BAZ2B: variants seen among roughly 807,000 people sequenced by gnomAD.
BAZ2B encodes bromodomain adjacent to zinc finger domain 2B, also known as bromodomain adjacent to zinc finger domain protein 2B.
In BAZ2B, 91 loss-of-function variants were observed where a neutral mutation model predicts 246.0. The observed-to-expected ratio is 0.37, with a 90% CI of 0.31 to 0.44. The LOEUF (loss-of-function observed/expected upper bound fraction) is 0.44, where lower values mean the gene tolerates loss of function less well. Among genes scored for constraint, BAZ2B ranks in the 20% least tolerant of loss-of-function variants. The pLI is 1.00. For missense variants in BAZ2B, 2,332 were observed against 2,533.7 expected, an observed-to-expected ratio of 0.92 and a Z score of 1.71; for synonymous variants, 855 against 860.0, an observed-to-expected ratio of 0.99 and a Z score of 0.10.
chr2:159,481,534 A>C (rs940699243), intron 2 of BAZ2B, among the ~76,000 whole-genome samples: 1 of 151,918 alleles, frequency 6.6e-6, no homozygotes, highest in African/African-American at 2.4e-5. Flanking sequence ...GTCTCAAAGT[A>C]TCTCCTCCAA....
chr2:159,519,846 T>C (rs72950412), intron 2 of BAZ2B, among the ~76,000 whole-genome samples: 1 of 142,702 alleles, frequency 7.0e-6, no homozygotes, highest in Non-Finnish European at 1.6e-5. Context: ...TGAAATGAGT[T>C]CCTCTTTTCG....
At chr2:159,644,470 A>G in the BAZ2B span, among the ~76,000 whole-genome samples, 1 of 152,290 alleles carries the variant, frequency 6.6e-6, no homozygotes, top group African/African-American at 2.4e-5. Context: ...TGAGGGCATT[A>G]CCCTCTGAAA....
intron 3 of BAZ2B, among the ~76,000 whole-genome samples, chr2:159,471,648 C>A (rs1393038821): frequency 2.6e-5 from 4 of 151,890 alleles, no homozygotes; most frequent in Admixed American, 1.3e-4. Flanking sequence ...ATGGGTGATA[C>A]TAAGAGCATG....
the BAZ2B span, among the ~76,000 whole-genome samples, chr2:159,643,896 A>G: frequency 6.6e-6 from 1 of 151,708 alleles, no homozygotes; most frequent in South Asian, 2.1e-4. Context: ...AAAAAAAAAA[A>G]AAGTCTTAAC....
chr2:159,427,507 A>C (rs2070180970), intron 13 of BAZ2B, among the ~76,000 whole-genome samples: 1 of 152,200 alleles, frequency 6.6e-6, no homozygotes, highest in Admixed American at 6.5e-5. Flanking sequence ...ATAGCGTGGC[A>C]TAATCAAATG....
At chr2:159,398,184 T>C (rs1168450174) in intron 18 of BAZ2B, 1 of 151,930 alleles carries the variant, frequency 6.6e-6, no homozygotes, top group African/African-American at 2.4e-5. Context: ...CTACCCCCTT[T>C]CAGTATTCAG....
chr2:159,437,433 T>TG (rs1341711376), intron 8 of BAZ2B: 1 of 151,300 alleles, frequency 6.6e-6, no homozygotes, highest in Admixed American at 6.6e-5. Context: ...GGTCTCACTA[T>TG]GTTGCAGAGG....
chr2:159,546,340 T>C (rs2087346330), intron 2 of BAZ2B, among the ~76,000 whole-genome samples: 2 of 151,718 alleles, frequency 1.3e-5, no homozygotes, highest in South Asian at 4.2e-4. Flanking sequence ...TTTCTCTCTC[T>C]GCCTGCCACC....
chr2:159,470,157 T>C (rs1220828607), intron 3 of BAZ2B, among the ~76,000 whole-genome samples: 1 of 152,136 alleles, frequency 6.6e-6, no homozygotes, highest in Non-Finnish European at 1.5e-5. Flanking sequence ...TTAATCAATG[T>C]AATTTGCCAA....
At chr2:159,323,264 C>T (rs1326635398) in intron 36 of BAZ2B, among the ~76,000 whole-genome samples, 1 of 151,770 alleles carries the variant, frequency 6.6e-6, no homozygotes, top group Non-Finnish European at 1.5e-5. Flanking sequence ...GGATTACAGG[C>T]GTGAGCCACC....
At chr2:159,656,651 C>G in the BAZ2B span, among the ~76,000 whole-genome samples, 1 of 152,098 alleles carries the variant, frequency 6.6e-6, no homozygotes, top group Non-Finnish European at 1.5e-5. Context: ...TTCTCCATGT[C>G]TTTTCATTTC....
Position 159,496,184 on chromosome 2 carries a change from G to A in BAZ2B, c.-2-17463C>T, listed in dbSNP as rs574540555. Among the ~76,000 whole-genome samples the A allele has an allele frequency of 7.5e-4, 110 of 147,396 alleles. 1 individual carries two copies. The highest frequency in any genetic ancestry group is 2.3e-3 in the African/African-American group (92 of 40,400). On this transcript the variant is annotated intron_variant, in intron 2 of 36. Transcript: ENST00000392783. ...AGGTCAGAAGATCGAGACCAGCCTG[G>A]CCAACATGGTGAAACCCCATCTCTA... is the stretch of plus-strand genomic sequence containing the variant.
intron 2 of BAZ2B, among the ~76,000 whole-genome samples, chr2:159,520,429 C>T (rs1359170983): frequency 6.6e-6 from 1 of 152,110 alleles, no homozygotes; most frequent in African/African-American, 2.4e-5. Context: ...GCTTTCTCTA[C>T]ATAATTTAGC....
the BAZ2B span, among the ~76,000 whole-genome samples, chr2:159,628,338 C>G: frequency 6.6e-6 from 1 of 152,136 alleles, no homozygotes; most frequent in Non-Finnish European, 1.5e-5. Context: ...TCATATGGAA[C>G]CAAAAATGAG....
intron 4 of BAZ2B, among the ~76,000 whole-genome samples, chr2:159,451,632 A>G (rs934723675): frequency 1.3e-5 from 2 of 152,208 alleles, no homozygotes; most frequent in Non-Finnish European, 2.9e-5. Context: ...ACTGTAAGCA[A>G]CATATAATAT....
chr2:159,316,075 A>G (rs1222237710), downstream of BAZ2B, among the ~76,000 whole-genome samples: 3 of 152,212 alleles, frequency 2.0e-5, no homozygotes, highest in East Asian at 5.8e-4. Flanking sequence ...ATAAAGAAAC[A>G]TATTGCTAAA....
chr2:159,414,249 A>ATAGT (rs1332744410), intron 13 of BAZ2B, among the ~76,000 whole-genome samples: 5 of 152,204 alleles, frequency 3.3e-5, no homozygotes, highest in Non-Finnish European at 7.3e-5. Flanking sequence ...GAGCAGAATG[A>ATAGT]TAGTTACCAG....
the BAZ2B span, among the ~76,000 whole-genome samples, chr2:159,623,419 A>G: frequency 6.6e-6 from 1 of 152,188 alleles, no homozygotes; most frequent in Non-Finnish European, 1.5e-5. Context: ...GAAATGCCCA[A>G]GGGCATTTAA....
At chr2:159,373,450 G>C (rs180678313) in intron 26 of BAZ2B, among the ~76,000 whole-genome samples, 96 of 152,260 alleles carry the variant, frequency 6.3e-4, no homozygotes, top group Non-Finnish European at 1.1e-3. Context: ...CCTTTTACTT[G>C]ATAATAAACA....
Sources: allele counts gnomAD v4.1 joint callset (sites outside exome capture counted in the v4.1 genomes callset), GRCh38; gene constraint gnomAD v4.1.1; transcripts MANE v1.5; gene names NCBI Gene and HGNC (gene_info 2026-07-23, HGNC 2026-07-21).